ALDH5A1: variants seen among roughly 807,000 people sequenced by gnomAD.
The protein encoded by ALDH5A1 is aldehyde dehydrogenase 5 family member A1, also known as succinate-semialdehyde dehydrogenase, mitochondrial.
ALDH5A1 carries 33 observed loss-of-function variants against 54.7 expected under a neutral mutation model. The ratio of observed to expected loss-of-function variants is 0.60; its 90% CI spans 0.46 to 0.81. The LOEUF (loss-of-function observed/expected upper bound fraction) is 0.81. Among genes scored for constraint, ALDH5A1 ranks in the 30% least tolerant of loss-of-function variants. The pLI is 0.00. For synonymous variants in ALDH5A1, 294 were observed against 292.7 expected (o/e 1.00, Z -0.05); for missense variants, 657 against 711.0 (o/e 0.92, Z 0.86).
chr6:24,528,933 T>C (rs1759874518), intron 8 of ALDH5A1, among the ~76,000 whole-genome samples: 2 of 152,032 alleles, frequency 1.3e-5, no homozygotes, highest in Admixed American at 1.3e-4. Flanking sequence ...TGCCTCTGCC[T>C]CCCAAAGTGC....
Position 24,495,166 on chromosome 6 carries a change from C to T in ALDH5A1, c.170C>T (p.Ala57Val). 2.0e-6 allele frequency: 3 copies of T among 1,479,986 alleles called. No individual in the cohort carries two copies. The highest frequency in any genetic ancestry group is 2.7e-6 in the Non-Finnish European group (3 of 1,122,694). The allele number at this position is 1,479,986 out of a possible 1,614,324, so 91.7% of individuals were successfully genotyped here. A position where few individuals can be genotyped will look rare whatever the true frequency, so the allele number is the denominator to read the frequency against. ...GGGCGCCTGGCGGGCCTCTCTGCGG[C>T]GCTGCTGCGCACCGACAGCTTCGTG... Reference protein sequence around the residue: ...YAGRLAGLSAALLRTDSFVGG... With the variant: ...YAGRLAGLSAVLLRTDSFVGG... The change falls in exon 1 of 10, where the codon GCG (alanine) becomes GTG (valine). Residue 57 changes from alanine to valine, a missense_variant. Ala to Val is a moderately conservative substitution (Grantham distance 64). Coordinates refer to ENST00000357578, the MANE Select transcript of ALDH5A1 (RefSeq NM_001080.3).
At position 24,533,524 on chromosome 6, in the gene ALDH5A1, G is replaced by A; in HGVS notation, c.1420G>A (p.Asp474Asn). 2 of 1,614,092 alleles carry A rather than the reference G, an allele frequency of 1.2e-6. No homozygotes were observed. Among genetic ancestry groups the A allele is most frequent in the Non-Finnish European group, 1.7e-6 (2 of 1,180,024 alleles). The change falls in exon 10 of 10, where the codon GAC (aspartate) becomes AAC (asparagine). Residue 474 changes from aspartate to asparagine, a missense_variant. By Grantham distance (23) the Asp-to-Asn change is conservative. This residue lies in a region of ALDH5A1 where 425 missense variants were observed against 516.4 expected (regional missense o/e 0.82). Coordinates refer to ENST00000357578, the MANE Select transcript of ALDH5A1 (RefSeq NM_001080.3). ...VGLAGYFYSQDPAQIWRVAEQ... is the reference protein window; with the variant it reads ...VGLAGYFYSQNPAQIWRVAEQ... ...TGTGACAGGTTATTTTTACTCTCAA[G>A]ACCCAGCCCAGATCTGGAGAGTGGC...
intron 5 of ALDH5A1, among the ~76,000 whole-genome samples, chr6:24,519,878 T>C (rs959364810): frequency 5.3e-5 from 8 of 152,056 alleles, no homozygotes; most frequent in Non-Finnish European, 1.2e-4. Flanking sequence ...TATTTTCTTA[T>C]CTCTATGATT....
At chr6:24,524,824 C>T (rs1011295942) in intron 7 of ALDH5A1, among the ~76,000 whole-genome samples, 4 of 152,156 alleles carry the variant, frequency 2.6e-5, no homozygotes, top group East Asian at 1.9e-4. Flanking sequence ...GTGCCTTTAT[C>T]GACTACAGTT....
At chr6:24,500,493 T>G (rs562783501) in intron 1 of ALDH5A1, among the ~76,000 whole-genome samples, 12 of 152,146 alleles carry the variant, frequency 7.9e-5, no homozygotes, top group Non-Finnish European at 1.6e-4. Context: ...AGACAGAAAG[T>G]AGAATGGTCC....
intron 8 of ALDH5A1, among the ~76,000 whole-genome samples, chr6:24,529,321 CA>C (rs1353986774): frequency 6.6e-6 from 1 of 151,978 alleles, no homozygotes; most frequent in African/African-American, 2.4e-5. Flanking sequence ...CATGTGCCAC[CA>C]CACCTGGCTA....
intron 5 of ALDH5A1, among the ~76,000 whole-genome samples, chr6:24,519,007 T>C (rs1361472103): frequency 6.6e-6 from 1 of 152,182 alleles, no homozygotes; most frequent in Non-Finnish European, 1.5e-5. Context: ...ATAATAGCTA[T>C]AGGTACCAAA....
intron 8 of ALDH5A1, among the ~76,000 whole-genome samples, chr6:24,528,404 C>T (rs1449174582): frequency 6.6e-6 from 1 of 151,908 alleles, no homozygotes; most frequent in Non-Finnish European, 1.5e-5. Context: ...ACTGTGTTGC[C>T]CAGGCTGCAG....
At chr6:24,528,306 AT>A (rs1157072948) in intron 8 of ALDH5A1, 140 bp downstream of exon 8, 1 of 870,806 alleles carries the variant, frequency 1.1e-6, no homozygotes, top group East Asian at 2.6e-5. Context: ...GCAGAGTGCA[AT>A]TTATGGGTTT....
chr6:24,526,054 G>A (rs921047348), intron 7 of ALDH5A1, among the ~76,000 whole-genome samples: 6 of 152,156 alleles, frequency 3.9e-5, no homozygotes, highest in East Asian at 1.9e-4. Context: ...TTTGGGGAAG[G>A]GAGCTGCCCT....
intron 4 of ALDH5A1, among the ~76,000 whole-genome samples, chr6:24,507,500 A>G (rs2817225): frequency 0.26 from 39,505 of 151,732 alleles, 5,335 homozygotes; most frequent in Non-Finnish European, 0.28. Context: ...TTAAAGACCA[A>G]TAATGTCACT....
rs1162035576 is a variant in ALDH5A1 at position 24,536,341 on chromosome 6, T to C, written c.*2629T>C. On this transcript the variant is annotated 3_prime_UTR_variant, in exon 10 of 10. Coordinates refer to ENST00000357578, the MANE Select transcript of ALDH5A1 (RefSeq NM_001080.3). ...ACAATATTTCATGACACCTGAAAATTCTATGAAATTCAGATTTCAGTGTCC... is the reference window on the plus strand; with the variant it reads ...ACAATATTTCATGACACCTGAAAATCCTATGAAATTCAGATTTCAGTGTCC... The C allele has an allele frequency of 6.6e-6, 1 of 152,196 alleles. No individual in the cohort carries two copies. Among genetic ancestry groups the C allele is most frequent in the African/African-American group, 2.4e-5 (1 of 41,456 alleles). 9.4% of individuals were successfully genotyped at this position (152,196 alleles called of 1,614,324 possible).
chr6:24,505,110 G>A, intron 4 of ALDH5A1, 125 bp downstream of exon 4: 1 of 991,342 alleles, frequency 1.0e-6, no homozygotes, highest in Non-Finnish European at 1.6e-6. Flanking sequence ...ATGGTGTTGT[G>A]TATTAATCTA....
intron 8 of ALDH5A1, among the ~76,000 whole-genome samples, chr6:24,529,131 T>G (rs1291096278): frequency 6.6e-6 from 1 of 152,226 alleles, no homozygotes; most frequent in Non-Finnish European, 1.5e-5. Context: ...TTCAACCCTT[T>G]GGAGATATTA....
intron 8 of ALDH5A1, among the ~76,000 whole-genome samples, chr6:24,531,414 T>A (rs531813381): frequency 2.0e-5 from 3 of 152,366 alleles, no homozygotes; most frequent in Admixed American, 2.0e-4. Context: ...TGTGTACCCT[T>A]GGACAAATTG....
At chr6:24,496,886 G>A (rs1330782582) in intron 1 of ALDH5A1, among the ~76,000 whole-genome samples, 1 of 152,108 alleles carries the variant, frequency 6.6e-6, no homozygotes, top group Non-Finnish European at 1.5e-5. Context: ...ATACTGGGGG[G>A]TTAGGACTTC....
At chr6:24,515,102 C>CTTTTTTTTTTTTTTTTTTTTTGTTTTTTT in intron 4 of ALDH5A1, 65 bp from the exon 5 acceptor site, 2 of 927,262 alleles carry the variant, frequency 2.2e-6, no homozygotes, top group South Asian at 1.7e-5. Flanking sequence ...TTTCTCTTTT[C>CTTTTTTTTTTTTTTTTTTTTTGTTTTTTT]TTTTTTTTTT....
rs1291668759 is a variant in ALDH5A1, at chr6:24,526,970, G to A, written c.1174-1027G>A. 8.6e-3 allele frequency among the ~76,000 whole-genome samples: 63 copies of A among 7,358 alleles called. 6 individuals carry two copies. Among genetic ancestry groups the A allele is most frequent in the African/African-American group, 0.014 (44 of 3,244 alleles). The allele number at this position is 7,358 out of a possible 152,430, so 4.8% of individuals were successfully genotyped here. On this transcript the variant is annotated intron_variant, in intron 7 of 9. Transcript: ENST00000357578. ...ATATATCTAATATATATATATGTGT[G>A]TGTGTATATATATATATATATATAT...
At chr6:24,495,465 C>T (rs1764680490) in intron 1 of ALDH5A1, 115 bp downstream of exon 1, 1 of 1,017,184 alleles carries the variant, frequency 9.8e-7, no homozygotes, top group African/African-American at 1.7e-5. Context: ...GCTCAGTTCC[C>T]CAGGGTATAC....
Sources: gnomAD v4.1 joint callset for allele counts (sites outside exome capture counted in the v4.1 genomes callset) on GRCh38, gnomAD v4.1.1 for gene constraint, gnomAD v4.1.1 regional missense constraint, MANE v1.5 for transcripts, NCBI Gene and HGNC (gene_info 2026-07-23, HGNC 2026-07-21) for gene names.